The following CCNY variants were observed in gnomAD, a reference collection of about 807,000 sequenced individuals.
CCNY encodes the protein cyclin Y.
In CCNY, 19 loss-of-function variants were observed where a neutral mutation model predicts 42.8. That is an observed-to-expected ratio of 0.44 (90% CI 0.31 to 0.65). CCNY has a LOEUF of 0.65. Among genes scored for constraint, CCNY ranks in the 30% least tolerant of loss-of-function variants. The probability of loss-of-function intolerance (pLI) is 0.07; values close to 1 mark genes in which losing one functional copy is unlikely to be tolerated. For missense variants in CCNY, 370 were observed against 437.3 expected (o/e 0.85, Z 1.37); for synonymous variants, 165 against 162.7 (o/e 1.01, Z -0.11).
chr10:35,326,519 T>C (rs957314969), intron 3 of CCNY, among the ~76,000 whole-genome samples: 2 of 152,200 alleles, frequency 1.3e-5, no homozygotes, highest in African/African-American at 2.4e-5. Context: ...AGGCAAGAAA[T>C]TGTACCAGTT....
intron 3 of CCNY, among the ~76,000 whole-genome samples, chr10:35,273,703 C>G (rs764185111): frequency 3.3e-5 from 5 of 152,146 alleles, no homozygotes; most frequent in Non-Finnish European, 5.9e-5. Context: ...CAGACAACAT[C>G]AACTCTCGCG....
chr10:35,481,452 A>G (rs1019334518), intron 1 of CCNY, among the ~76,000 whole-genome samples: 14 of 152,204 alleles, frequency 9.2e-5, no homozygotes, highest in Non-Finnish European at 2.1e-4. Flanking sequence ...AAAGCTTCAC[A>G]TTTTTTGATT....
At chr10:35,518,405 T>TC (rs1840472566) in intron 4 of CCNY, among the ~76,000 whole-genome samples, 1 of 150,816 alleles carries the variant, frequency 6.6e-6, no homozygotes, top group Admixed American at 6.6e-5. Flanking sequence ...TTTAACAGAC[T>TC]TTGATTGAAT....
intron 1 of CCNY, among the ~76,000 whole-genome samples, chr10:35,448,200 C>T (rs1406487030): frequency 6.6e-6 from 1 of 152,176 alleles, no homozygotes; most frequent in Middle Eastern, 3.2e-3. Context: ...TTCTTTAACT[C>T]ATTCAACAAG....
chr10:35,524,574 A>G (rs2135417284), intron 4 of CCNY, among the ~76,000 whole-genome samples: 1 of 152,342 alleles, frequency 6.6e-6, no homozygotes, highest in East Asian at 1.9e-4. Flanking sequence ...GAGGATCAGA[A>G]CACCGTCTGT....
At chr10:35,305,297 G>T (rs910872557) in intron 3 of CCNY, among the ~76,000 whole-genome samples, 1 of 152,178 alleles carries the variant, frequency 6.6e-6, no homozygotes, top group Admixed American at 6.5e-5. Context: ...ATTCCCCCCT[G>T]CTAAGGAGTA....
intron 7 of CCNY, among the ~76,000 whole-genome samples, chr10:35,551,139 C>T (rs1564455514): frequency 6.6e-6 from 1 of 152,288 alleles, no homozygotes; most frequent in East Asian, 1.9e-4. Context: ...CTTCTGTGAT[C>T]GTTGGGTCCC....
chr10:35,487,634 CT>C (rs1224078312), intron 2 of CCNY, among the ~76,000 whole-genome samples: 1 of 152,014 alleles, frequency 6.6e-6, no homozygotes, highest in Non-Finnish European at 1.5e-5. Context: ...GAACTTTTTT[CT>C]TGTTCCAAGC....
upstream of CCNY, among the ~76,000 whole-genome samples, chr10:35,335,433 A>T (rs1271903862): frequency 6.6e-6 from 1 of 152,198 alleles, no homozygotes; most frequent in Non-Finnish European, 1.5e-5. Flanking sequence ...CAGCGAATTC[A>T]ATATTAAAAT....
intron 1 of CCNY, among the ~76,000 whole-genome samples, chr10:35,454,954 A>G (rs1260009888): frequency 1.3e-5 from 2 of 152,182 alleles, no homozygotes; most frequent in African/African-American, 4.8e-5. Flanking sequence ...GGCCTGATGA[A>G]CCTGAAAACC....
intron 1 of CCNY, among the ~76,000 whole-genome samples, chr10:35,435,061 G>T (rs1017008976): frequency 6.6e-6 from 1 of 152,208 alleles, no homozygotes; most frequent in Non-Finnish European, 1.5e-5. Flanking sequence ...CCTTGCAGAG[G>T]CTGCACCTGG....
intron 1 of CCNY, among the ~76,000 whole-genome samples, chr10:35,425,106 G>A (rs901385881): frequency 1.4e-4 from 22 of 152,160 alleles, no homozygotes; most frequent in Admixed American, 3.9e-4. Context: ...CTGCATGCAC[G>A]GGAGACACAC....
At chr10:35,565,162 G>A (rs1352154905) in intron 8 of CCNY, among the ~76,000 whole-genome samples, 1 of 152,228 alleles carries the variant, frequency 6.6e-6, no homozygotes, top group Non-Finnish European at 1.5e-5. Context: ...AGTTCTTAAA[G>A]TAGAAGTTTT....
chr10:35,483,616 A>G (rs1471953576), intron 2 of CCNY, 138 bp downstream of exon 2: 1 of 530,340 alleles, frequency 1.9e-6, no homozygotes, highest in African/African-American at 2.0e-5. Flanking sequence ...GTTTAATGGT[A>G]GTTCTCTTGG....
At chr10:35,284,756 T>C (rs1835335118) in intron 3 of CCNY, among the ~76,000 whole-genome samples, 1 of 152,132 alleles carries the variant, frequency 6.6e-6, no homozygotes, top group Admixed American at 6.5e-5. Context: ...TCTGATGGCA[T>C]AAATTGCCCT....
chr10:35,382,107 G>T (rs904400628), intron 1 of CCNY, among the ~76,000 whole-genome samples: 1 of 152,180 alleles, frequency 6.6e-6, no homozygotes, highest in African/African-American at 2.4e-5. Flanking sequence ...TAGATATGCC[G>T]TTGTAGGCGA....
chr10:35,385,088 G>A (rs1324573573), intron 1 of CCNY, among the ~76,000 whole-genome samples: 1 of 152,158 alleles, frequency 6.6e-6, no homozygotes, highest in Non-Finnish European at 1.5e-5. Flanking sequence ...AGTGAGTGTG[G>A]CAGAAAGATA....
chr10:35,535,470 C>T (rs1483100888), intron 7 of CCNY, among the ~76,000 whole-genome samples: 1 of 151,978 alleles, frequency 6.6e-6, no homozygotes, highest in Non-Finnish European at 1.5e-5. Flanking sequence ...TGGTCACAAC[C>T]CACAGGCTTT....
intron 1 of CCNY, among the ~76,000 whole-genome samples, chr10:35,425,159 C>T (rs1429539592): frequency 6.6e-6 from 1 of 152,170 alleles, no homozygotes; most frequent in Non-Finnish European, 1.5e-5. Flanking sequence ...ATGTTGGAGC[C>T]GCTGCCCTCC....
Sources: allele counts gnomAD v4.1 joint callset (sites outside exome capture counted in the v4.1 genomes callset), GRCh38; gene constraint gnomAD v4.1.1; transcripts MANE v1.5; gene names NCBI Gene and HGNC (gene_info 2026-07-23, HGNC 2026-07-21).